The following RAB11FIP5 variants were observed in gnomAD, a reference collection of about 807,000 sequenced individuals.
RAB11FIP5 encodes the protein rab11 family-interacting protein 5.
In RAB11FIP5, 48 loss-of-function variants were observed where a neutral mutation model predicts 85.1. The ratio of observed to expected loss-of-function variants is 0.56; its 90% CI spans 0.45 to 0.72. RAB11FIP5 has a LOEUF of 0.72. RAB11FIP5 is among the 30% of genes least tolerant of loss of function. The pLI is 0.00. For missense variants in RAB11FIP5, 1,491 were observed against 1,687.0 expected (o/e 0.88, Z 2.04); for synonymous variants, 729 against 727.3 (o/e 1.00, Z -0.04).
chr2:73,082,303 T>TG (rs1448360444), intron 3 of RAB11FIP5, among the ~76,000 whole-genome samples: 1 of 152,156 alleles, frequency 6.6e-6, no homozygotes, highest in Non-Finnish European at 1.5e-5. Flanking sequence ...CCACTAAGCC[T>TG]GGCCCCTTTT....
intron 1 of RAB11FIP5, among the ~76,000 whole-genome samples, chr2:73,097,539 T>A (rs192874009): frequency 6.6e-6 from 1 of 152,342 alleles, no homozygotes; most frequent in Admixed American, 6.5e-5. Context: ...CACTCAAATA[T>A]TTGCTCAATG....
rs1292025978 is a variant in RAB11FIP5, at chr2:73,112,701, A to C, written c.77T>G (p.Leu26Arg). ...WLPTHVQVTVLRARGLRGKSS... is the reference protein window; with the variant it reads ...WLPTHVQVTVRRARGLRGKSS... ...CTTGCCCCGCAGCCCGCGGGCCCGC[A>C]GCACCGTCACCTGGACGTGCGTGGG... The change falls in exon 1 of 6, where the codon CTG becomes CGG. Residue 26 changes from leucine (L) to arginine (R), a missense_variant. Around this residue, in one of 3 missense-constraint regions of RAB11FIP5, gnomAD observed 1,211 missense variants for 1,338.0 expected, o/e 0.91. Transcript: ENST00000486777. 3 of 1,571,780 alleles carry C rather than the reference A, an allele frequency of 1.9e-6. No homozygotes were observed. The highest frequency in any genetic ancestry group is 2.8e-5 in the African/African-American group (2 of 72,066).
In RAB11FIP5 at chr2:73,075,612, T is replaced by C. The variant is rs1683841237; in HGVS notation, c.3884A>G (p.Gln1295Arg). The C allele has an allele frequency of 6.2e-7, 1 of 1,614,148 alleles. No homozygotes were observed. Among genetic ancestry groups the C allele is most frequent in the Non-Finnish European group, 8.5e-7 (1 of 1,179,994 alleles). ...CCGGTCGATGTAGCTCTCCAGCTCC[T>C]GCACATGCTCGTCCCGCTGGCTCAG... is the stretch of plus-strand genomic sequence containing the variant. Reference protein sequence around the residue: ...RELSQRDEHVQELESYIDRLL... With the variant: ...RELSQRDEHVRELESYIDRLL... The change falls in exon 6 of 6, where the codon CAG becomes CGG. Residue 1295 changes from glutamine (Q) to arginine (R), a missense_variant. By Grantham distance (43) the Gln-to-Arg change is conservative (BLOSUM62 1). This residue lies in a region of RAB11FIP5 where 232 missense variants were observed against 259.1 expected (regional missense o/e 0.90). Coordinates refer to ENST00000486777, the MANE Select transcript of RAB11FIP5 (RefSeq NM_001371272.1). This position sits in a 1 kb window ranked among gnomAD's most constrained non-coding sequence, Gnocchi z 4.6.
chr2:73,112,420 C>A lies in RAB11FIP5; in HGVS notation c.358G>T (p.Val120Phe), dbSNP rs1684680055. 6.2e-7 allele frequency: 1 copy of A among 1,601,262 alleles called. No individual in the cohort carries two copies. Among genetic ancestry groups the A allele is most frequent in the East Asian group, 2.3e-5 (1 of 43,596 alleles). ...LTTMHRSLIG[V>F]DKFLGQATVA... ...GTGGCCTGGCCCAGGAACTTGTCGA[C>A]GCCGATGAGCGAGCGGTGCATGGTG... The change falls in exon 1 of 6, where the codon GTC becomes TTC. Residue 120 changes from valine (V) to phenylalanine (F), a missense_variant. Physicochemically the swap from Val to Phe is conservative, Grantham distance 50 (BLOSUM62 -1). Transcript: ENST00000486777.
chr2:73,079,626 C>T, intron 4 of RAB11FIP5, 25 bp downstream of exon 4: 1 of 1,232,868 alleles, frequency 8.1e-7, no homozygotes, highest in Non-Finnish European at 1.0e-6. Context: ...TCCTCCTGGA[C>T]AGTGTTCTGG....
chr2:73,109,159 G>A (rs1054026861), intron 1 of RAB11FIP5, among the ~76,000 whole-genome samples: 17 of 152,192 alleles, frequency 1.1e-4, no homozygotes, highest in African/African-American at 4.1e-4. Context: ...TTCTACTGAG[G>A]GTGGGGAGAT....
At chr2:73,087,980 C>T in intron 3 of RAB11FIP5, 70 bp downstream of exon 3, 1 of 1,426,812 alleles carries the variant, frequency 7.0e-7, no homozygotes, top group Non-Finnish European at 9.5e-7. Context: ...TCCTCCCTGC[C>T]CCAGGGTCCA....
intron 1 of RAB11FIP5, among the ~76,000 whole-genome samples, chr2:73,092,791 G>C (rs1684242635): frequency 6.6e-6 from 1 of 152,132 alleles, no homozygotes; most frequent in Non-Finnish European, 1.5e-5. Context: ...ATGGAGAATG[G>C]CCAGGACCTA....
intron 1 of RAB11FIP5, among the ~76,000 whole-genome samples, chr2:73,104,215 G>A (rs1035500379): frequency 6.6e-6 from 1 of 152,136 alleles, no homozygotes; most frequent in Admixed American, 6.5e-5. Flanking sequence ...ACTTAAGGTG[G>A]GTCAAGGGAA....
chr2:73,106,950 C>T (rs754132068), intron 1 of RAB11FIP5, among the ~76,000 whole-genome samples: 7 of 152,038 alleles, frequency 4.6e-5, no homozygotes, highest in Non-Finnish European at 7.4e-5. Context: ...CTGGGAGCCC[C>T]GTTTTGGGAG....
At chr2:73,082,607 G>A (rs557338443) in intron 3 of RAB11FIP5, among the ~76,000 whole-genome samples, 9 of 152,332 alleles carry the variant, frequency 5.9e-5, no homozygotes, top group African/African-American at 2.2e-4. Context: ...TGATGGTCCA[G>A]CCTTTGTCTG....
Position 73,088,250 on chromosome 2 carries a change from C to T in RAB11FIP5, c.1368G>A (p.Glu456=), listed in dbSNP as rs925766122. Residue 456 remains glutamate (E), a synonymous_variant, in exon 3 of 6, where the codon GAG becomes GAA. Coordinates refer to ENST00000486777, the MANE Select transcript of RAB11FIP5 (RefSeq NM_001371272.1). The stretch of plus-strand genomic sequence containing the variant: ...AGAGACCCATCCGGGGCTTGCGTTC[C>T]TCCTTCCGGGCTCCCTCCTTCTCTG... The part of the protein sequence containing the change: ...AVAEKEGARK[E]ERKPRMGLFH... 24 of 1,613,840 alleles carry T rather than the reference C, an allele frequency of 1.5e-5. No homozygotes were observed. In the African/African-American group the frequency reaches 3.1e-4, roughly 21 times the overall value.
intron 1 of RAB11FIP5, among the ~76,000 whole-genome samples, chr2:73,095,389 C>A (rs1684297570): frequency 6.6e-6 from 1 of 152,214 alleles, no homozygotes; most frequent in Non-Finnish European, 1.5e-5. Flanking sequence ...AAAAAAATCA[C>A]TGGATCTTGT....
At position 73,080,570 on chromosome 2, in the gene RAB11FIP5, C is replaced by G. The variant is rs754587736; in HGVS notation, c.2662G>C (p.Glu888Gln). 4 of 1,232,428 alleles carry G rather than the reference C, an allele frequency of 3.2e-6. No homozygotes were observed. The African/African-American group carries it at 6.2e-5, about 19-fold the overall frequency. The allele number at this position is 1,232,428 out of a possible 1,614,324, so 76.3% of individuals were successfully genotyped here. Reference protein sequence around the residue: ...LPPPEPEPKPEWVSDKGLQPS... With the variant: ...LPPPEPEPKPQWVSDKGLQPS... The stretch of plus-strand genomic sequence containing the variant: ...TGCAGCCCCTTGTCAGACACCCACT[C>G]GGGTTTAGGCTCGGGCTCCGGTGGG... Residue 888 changes from glutamate to glutamine, a missense_variant, in exon 4 of 6, where the codon GAG becomes CAG. This residue lies in a region of RAB11FIP5 where 1,211 missense variants were observed against 1,338.0 expected (regional missense o/e 0.91). Transcript: ENST00000486777.
chr2:73,101,858 C>T (rs1255294805), intron 1 of RAB11FIP5, among the ~76,000 whole-genome samples: 1 of 152,226 alleles, frequency 6.6e-6, no homozygotes, highest in Non-Finnish European at 1.5e-5. Flanking sequence ...CGAGATCCCA[C>T]CCAACCAGAG....
intron 4 of RAB11FIP5, among the ~76,000 whole-genome samples, chr2:73,076,442 C>T (rs1683863042): frequency 6.6e-6 from 1 of 152,166 alleles, no homozygotes; most frequent in African/African-American, 2.4e-5. Context: ...CTGACCCTTT[C>T]ACAGGGACAG....
intron 1 of RAB11FIP5, among the ~76,000 whole-genome samples, chr2:73,110,828 C>A (rs1024935653): frequency 2.0e-5 from 3 of 152,100 alleles, no homozygotes; most frequent in Non-Finnish European, 2.9e-5. Context: ...GATGTGTCAT[C>A]TAACAGTCTG....
intron 1 of RAB11FIP5, among the ~76,000 whole-genome samples, chr2:73,103,989 G>A (rs1684478732): frequency 6.6e-6 from 1 of 152,190 alleles, no homozygotes; most frequent in Admixed American, 6.5e-5. Context: ...CTCTGCCAAG[G>A]TCTCAGTTCA....
rs764150622 is a variant in RAB11FIP5, at chr2:73,075,254, G to A, written c.*267C>T. Reference sequence around the variant, plus strand: ...TGGGGGAAGAGTTCCAATTCCCTGGGGCCCCCAAAGCTGAGGGATATGAAA... The same window carrying A: ...TGGGGGAAGAGTTCCAATTCCCTGGAGCCCCCAAAGCTGAGGGATATGAAA... On this transcript the variant is annotated 3_prime_UTR_variant, in exon 6 of 6. Coordinates refer to ENST00000486777, the MANE Select transcript of RAB11FIP5 (RefSeq NM_001371272.1). The surrounding 1 kb of genome is among the most constrained non-coding windows in gnomAD (Gnocchi z 4.6). 2.9e-6 allele frequency: 2 copies of A among 690,920 alleles called. No individual in the cohort carries two copies. Among genetic ancestry groups the A allele is most frequent in the South Asian group, 3.0e-5 (2 of 66,670 alleles). 42.8% of individuals were successfully genotyped at this position (690,920 alleles called of 1,614,324 possible).
Sources: gnomAD v4.1 joint callset for allele counts (sites outside exome capture counted in the v4.1 genomes callset) on GRCh38, gnomAD v4.1.1 for gene constraint, gnomAD v4.1.1 regional missense constraint, Gnocchi (gnomAD v3.1) non-coding constraint, MANE v1.5 for transcripts, NCBI Gene and HGNC (gene_info 2026-07-23, HGNC 2026-07-21) for gene names.